CAPZA2: variants seen among roughly 807,000 people sequenced by gnomAD.
CAPZA2 encodes the protein F-actin-capping protein subunit alpha-2.
Under a neutral mutation model 44.0 loss-of-function variants are expected in CAPZA2, and 13 were observed. The observed-to-expected ratio is 0.30, with a 90% CI of 0.19 to 0.47. CAPZA2 has a LOEUF of 0.47. Ranked by LOEUF, CAPZA2 falls within the 20% of genes least tolerant of loss-of-function variation. The pLI is 1.00. For missense variants in CAPZA2, 244 were observed against 338.6 expected, an observed-to-expected ratio of 0.72 and a Z score of 2.19; for synonymous variants, 94 against 108.2, an observed-to-expected ratio of 0.87 and a Z score of 0.81.
chr7:116,919,872 A>C lies in CAPZA2; in HGVS notation c.*2005A>C, dbSNP rs1791741912. On this transcript the variant is annotated 3_prime_UTR_variant, in exon 10 of 10. Coordinates refer to ENST00000361183, the MANE Select transcript of CAPZA2 (RefSeq NM_006136.3). ...AGAGCAAGACTCTGTCTCAAAAAAT[A>C]ATAATAATAATAATAATAATATAAT... 6.9e-6 allele frequency: 1 copy of C among 145,094 alleles called. No homozygotes were observed. Among genetic ancestry groups the C allele is most frequent in the African/African-American group, 2.5e-5 (1 of 40,432 alleles). The allele number at this position is 145,094 out of a possible 1,614,324, so 9.0% of individuals were successfully genotyped here. A position where few individuals can be genotyped will look rare whatever the true frequency, so the allele number is the denominator to read the frequency against.
chr7:116,915,484 A>G (rs1791668136), intron 8 of CAPZA2: 1 of 152,078 alleles, frequency 6.6e-6, no homozygotes, highest in Non-Finnish European at 1.5e-5. Context: ...TTTACACCAT[A>G]TATATAAAGT....
intron 1 of CAPZA2, among the ~76,000 whole-genome samples, chr7:116,885,673 G>A (rs1186074590): frequency 2.0e-5 from 3 of 151,998 alleles, no homozygotes; most frequent in African/African-American, 7.3e-5. Flanking sequence ...CAGAACTCAG[G>A]GAAATGCTTA....
intron 2 of CAPZA2, among the ~76,000 whole-genome samples, chr7:116,892,223 T>G (rs1328738532): frequency 6.6e-6 from 1 of 152,194 alleles, no homozygotes. Flanking sequence ...ATATTTAGGT[T>G]GTTTGTGTTA....
intron 5 of CAPZA2, among the ~76,000 whole-genome samples, chr7:116,904,984 A>AAAAAAAAC (rs1418209241): frequency 3.3e-5 from 5 of 150,010 alleles, no homozygotes; most frequent in Non-Finnish European, 5.9e-5. Context: ...AAAAAAAAAA[A>AAAAAAAAC]AAAAACAATT....
chr7:116,872,655 C>T (rs949882317), intron 1 of CAPZA2, among the ~76,000 whole-genome samples: 15 of 152,146 alleles, frequency 9.9e-5, no homozygotes, highest in African/African-American at 3.6e-4. Context: ...CCGGTTTTAC[C>T]TCTAATTCTC....
At chr7:116,911,377 T>C (rs1185127168) in intron 7 of CAPZA2, among the ~76,000 whole-genome samples, 1 of 152,194 alleles carries the variant, frequency 6.6e-6, no homozygotes, top group East Asian at 1.9e-4. Flanking sequence ...AGTAGTACAC[T>C]CTCATCTGCC....
chr7:116,880,050 T>C (rs770493261), intron 1 of CAPZA2: 2 of 455,448 alleles, frequency 4.4e-6, no homozygotes, highest in South Asian at 3.3e-5. Context: ...CTCTGATTGA[T>C]TTTTTTTTCT....
intron 2 of CAPZA2, among the ~76,000 whole-genome samples, chr7:116,890,108 G>C (rs1237176669): frequency 6.6e-6 from 1 of 152,030 alleles, no homozygotes; most frequent in Non-Finnish European, 1.5e-5. Context: ...AGAATTTTAA[G>C]AAAAATTTTC....
chr7:116,901,456 A>G (rs1420426177), intron 4 of CAPZA2, among the ~76,000 whole-genome samples: 4 of 152,136 alleles, frequency 2.6e-5, no homozygotes, highest in African/African-American at 9.7e-5. Context: ...AGTGGGAGAT[A>G]ATGATGAGAA....
At chr7:116,911,204 G>A (rs979855920) in intron 7 of CAPZA2, among the ~76,000 whole-genome samples, 9 of 152,168 alleles carry the variant, frequency 5.9e-5, no homozygotes, top group Non-Finnish European at 5.9e-5. Context: ...CTTATTGAGA[G>A]CAAGGATTGT....
At chr7:116,899,616 T>C (rs1343085254) in intron 4 of CAPZA2, among the ~76,000 whole-genome samples, 2 of 151,258 alleles carry the variant, frequency 1.3e-5, no homozygotes. Flanking sequence ...TAGAGTGTCA[T>C]TGTATTAATC....
intron 3 of CAPZA2, among the ~76,000 whole-genome samples, chr7:116,895,150 C>CA (rs1401246068): frequency 1.3e-5 from 2 of 151,990 alleles, no homozygotes; most frequent in Admixed American, 6.6e-5. Context: ...ACAATACTTT[C>CA]AAAGTAAGCT....
At chr7:116,890,402 G>A (rs1348332780) in intron 2 of CAPZA2, among the ~76,000 whole-genome samples, 5 of 150,206 alleles carry the variant, frequency 3.3e-5, no homozygotes, top group Non-Finnish European at 7.4e-5. Flanking sequence ...TGGGCATGGT[G>A]GCTCATGCCT....
intron 1 of CAPZA2, among the ~76,000 whole-genome samples, chr7:116,871,566 G>C (rs572181870): frequency 4.1e-4 from 62 of 152,168 alleles, no homozygotes; most frequent in Non-Finnish European, 7.8e-4. Flanking sequence ...AAGGAGTGGA[G>C]AGACATAAGC....
At chr7:116,866,384 G>A (rs1252995134) in intron 1 of CAPZA2, among the ~76,000 whole-genome samples, 2 of 152,076 alleles carry the variant, frequency 1.3e-5, no homozygotes, top group African/African-American at 2.4e-5. Flanking sequence ...TGTTAGCCAG[G>A]ATGGTCTCAA....
intron 3 of CAPZA2, among the ~76,000 whole-genome samples, chr7:116,895,987 A>G (rs1290850062): frequency 6.6e-6 from 1 of 152,154 alleles, no homozygotes; most frequent in East Asian, 1.9e-4. Flanking sequence ...CTTAGAAGGC[A>G]TTATAAAAAC....
intron 1 of CAPZA2, among the ~76,000 whole-genome samples, chr7:116,885,329 T>G (rs1008513194): frequency 1.3e-5 from 2 of 150,674 alleles, no homozygotes; most frequent in East Asian, 1.9e-4. Context: ...ACACCTATGT[T>G]TTTTTTTTTG....
At chr7:116,870,434 A>G (rs1796537855) in intron 1 of CAPZA2, among the ~76,000 whole-genome samples, 1 of 152,216 alleles carries the variant, frequency 6.6e-6, no homozygotes, top group Non-Finnish European at 1.5e-5. Flanking sequence ...TGGTACTTTT[A>G]CAATAAGAGA....
At chr7:116,905,200 T>C (rs896667993) in intron 5 of CAPZA2, among the ~76,000 whole-genome samples, 13 of 151,964 alleles carry the variant, frequency 8.6e-5, no homozygotes, top group Non-Finnish European at 1.0e-4. Flanking sequence ...AATACATTTC[T>C]TTTTTAAAAA....
Sources: allele counts gnomAD v4.1 joint callset (sites outside exome capture counted in the v4.1 genomes callset), GRCh38; gene constraint gnomAD v4.1.1; transcripts MANE v1.5; gene names NCBI Gene and HGNC (gene_info 2026-07-23, HGNC 2026-07-21).